NMNAT2: variants seen among roughly 807,000 people sequenced by gnomAD.
NMNAT2 encodes nicotinamide/nicotinic acid mononucleotide adenylyltransferase 2.
NMNAT2 carries 11 observed loss-of-function variants against 41.6 expected under a neutral mutation model. That is an observed-to-expected ratio of 0.26 (90% CI 0.17 to 0.44). The LOEUF (loss-of-function observed/expected upper bound fraction) is 0.44. Ranked by LOEUF, NMNAT2 falls within the 20% of genes least tolerant of loss-of-function variation. The pLI, the probability that NMNAT2 is intolerant of heterozygous loss-of-function variation, is 1.00. For synonymous variants in NMNAT2, 148 were observed against 151.2 expected (o/e 0.98, Z 0.16); for missense variants, 288 against 407.7 (o/e 0.71, Z 2.53).
chr1:183,262,129 C>T (rs938165453), intron 8 of NMNAT2, among the ~76,000 whole-genome samples: 2 of 151,880 alleles, frequency 1.3e-5, no homozygotes, highest in African/African-American at 4.8e-5. Context: ...TGGACTCTTG[C>T]TATGTTGCCC....
chr1:183,264,242 G>A (rs1660745515), intron 8 of NMNAT2, among the ~76,000 whole-genome samples: 1 of 151,976 alleles, frequency 6.6e-6, no homozygotes, highest in African/African-American at 2.4e-5. Context: ...TGAAAATAAT[G>A]GCTCAGAATA....
chr1:183,391,172 T>TG (rs1211439710), intron 1 of NMNAT2, among the ~76,000 whole-genome samples: 4 of 152,168 alleles, frequency 2.6e-5, no homozygotes, highest in Non-Finnish European at 5.9e-5. Flanking sequence ...GCTTCTTCTC[T>TG]CTTCAAATCC....
At chr1:183,303,568 G>A (rs1557872442) in intron 1 of NMNAT2, among the ~76,000 whole-genome samples, 1 of 152,188 alleles carries the variant, frequency 6.6e-6, no homozygotes, top group Non-Finnish European at 1.5e-5. Context: ...GTGCTTATTC[G>A]ATTTGGTCCT....
chr1:183,285,506 C>T (rs1190469264), intron 5 of NMNAT2, among the ~76,000 whole-genome samples: 1 of 152,116 alleles, frequency 6.6e-6, no homozygotes, highest in Non-Finnish European at 1.5e-5. Flanking sequence ...ATTTTCTGAG[C>T]CCCCCACATG....
At chr1:183,312,072 A>G (rs1662135800) in intron 1 of NMNAT2, among the ~76,000 whole-genome samples, 1 of 152,070 alleles carries the variant, frequency 6.6e-6, no homozygotes, top group South Asian at 2.1e-4. Flanking sequence ...TGGAACTGTG[A>G]GTCCATTAAA....
intron 1 of NMNAT2, among the ~76,000 whole-genome samples, chr1:183,321,511 C>T (rs544299145): frequency 1.3e-5 from 2 of 152,056 alleles, no homozygotes; most frequent in Admixed American, 1.3e-4. Flanking sequence ...GAGGCCGAGG[C>T]AGGTGGATCT....
intron 1 of NMNAT2, among the ~76,000 whole-genome samples, chr1:183,315,178 T>C (rs1013561833): frequency 2.6e-5 from 4 of 152,220 alleles, no homozygotes; most frequent in African/African-American, 9.7e-5. Flanking sequence ...AAATATTCAC[T>C]TGGCCATCCG....
intron 1 of NMNAT2, among the ~76,000 whole-genome samples, chr1:183,369,575 C>G (rs897063852): frequency 1.2e-4 from 18 of 152,140 alleles, no homozygotes; most frequent in African/African-American, 4.3e-4. Context: ...CCGCACCCAG[C>G]CTATTCTTTT....
intron 10 of NMNAT2, among the ~76,000 whole-genome samples, chr1:183,254,204 A>G (rs1660464035): frequency 6.6e-6 from 1 of 152,112 alleles, no homozygotes; most frequent in Non-Finnish European, 1.5e-5. Flanking sequence ...ATTCCCACCA[A>G]CAGTGTACAA....
chr1:183,417,116 C>A (rs552913505), intron 1 of NMNAT2, among the ~76,000 whole-genome samples: 13 of 152,292 alleles, frequency 8.5e-5, no homozygotes, highest in African/African-American at 3.1e-4. Context: ...TCCCTCTTTC[C>A]GTGTCTAAAC....
intron 8 of NMNAT2, among the ~76,000 whole-genome samples, chr1:183,276,652 A>G (rs1230073529): frequency 6.6e-6 from 1 of 152,180 alleles, no homozygotes; most frequent in African/African-American, 2.4e-5. Flanking sequence ...ACAGCTGCTG[A>G]CCTCGTCCCT....
At chr1:183,260,925 T>A in intron 10 of NMNAT2, 77 bp downstream of exon 10, 1 of 1,149,018 alleles carries the variant, frequency 8.7e-7, no homozygotes, top group East Asian at 2.4e-5. Context: ...CTTAGGGTCA[T>A]CTTTGATGGA....
At chr1:183,341,744 A>C (rs1571608815) in intron 1 of NMNAT2, among the ~76,000 whole-genome samples, 1 of 144,420 alleles carries the variant, frequency 6.9e-6, no homozygotes, top group Admixed American at 7.0e-5. Context: ...AAAAAAAAAA[A>C]AAACCTGTTT....
rs1663760796 is a variant in NMNAT2, at chr1:183,379,665, C to T, written c.85+38518G>A. ...ACATATAAAAACAAAGTATTCAAGT[C>T]ACCAAGAAGACATAACAATCCTAAA... On this transcript the variant is annotated intron_variant, in intron 1 of 10. Coordinates refer to ENST00000287713, the MANE Select transcript of NMNAT2 (RefSeq NM_015039.4). Among the ~76,000 whole-genome samples, 4 of 152,114 alleles carry T rather than the reference C, an allele frequency of 2.6e-5. No homozygotes were observed. The South Asian group carries it at 8.3e-4, about 32-fold the overall frequency.
At chr1:183,359,541 G>A (rs575637536) in intron 1 of NMNAT2, among the ~76,000 whole-genome samples, 4 of 152,216 alleles carry the variant, frequency 2.6e-5, no homozygotes, top group African/African-American at 9.6e-5. Context: ...TGAACCATGT[G>A]GTCTCTGAAC....
At chr1:183,398,174 T>G (rs1378935615) in intron 1 of NMNAT2, among the ~76,000 whole-genome samples, 1 of 152,142 alleles carries the variant, frequency 6.6e-6, no homozygotes, top group Non-Finnish European at 1.5e-5. Context: ...CCATCTCAAG[T>G]GCAGAGACAC....
chr1:183,405,703 T>G (rs78998082), intron 1 of NMNAT2, among the ~76,000 whole-genome samples: 13,810 of 152,328 alleles, frequency 0.091, 804 homozygotes, highest in Middle Eastern at 0.18. Flanking sequence ...TTGTTTGTCT[T>G]TTGTAGAGAC....
At chr1:183,398,546 C>T (rs900782271) in intron 1 of NMNAT2, among the ~76,000 whole-genome samples, 1 of 152,200 alleles carries the variant, frequency 6.6e-6, no homozygotes, top group African/African-American at 2.4e-5. Context: ...GAACTCAGCT[C>T]TGCACCAAGG....
Position 183,286,679 on chromosome 1 carries a change from G to A in NMNAT2, c.431C>T (p.Ala144Val), listed in dbSNP as rs1409460333. ...PQPIYQNSNV[A>V]TKPTAAKILG... Reference sequence around the variant, plus strand: ...TCCCCTACCTGCAGTGGGCTTGGTGGCCACGTTGCTGTTCTGGTAAATGGG... The same window carrying A: ...TCCCCTACCTGCAGTGGGCTTGGTGACCACGTTGCTGTTCTGGTAAATGGG... The change falls in exon 5 of 11, where the codon GCC becomes GTC. Residue 144 changes from alanine (A) to valine (V), a missense_variant. Ala to Val is a moderately conservative substitution (Grantham distance 64). Coordinates refer to ENST00000287713, the MANE Select transcript of NMNAT2 (RefSeq NM_015039.4). 7.5e-6 allele frequency: 12 copies of A among 1,610,324 alleles called. No individual in the cohort carries two copies. The highest frequency in any genetic ancestry group is 9.3e-6 in the Non-Finnish European group (11 of 1,178,272).
Sources: allele counts gnomAD v4.1 joint callset (sites outside exome capture counted in the v4.1 genomes callset), GRCh38; gene constraint gnomAD v4.1.1; transcripts MANE v1.5; gene names NCBI Gene and HGNC (gene_info 2026-07-23, HGNC 2026-07-21).